Variants in PRKAR1B observed in about 807,000 individuals in gnomAD.
PRKAR1B encodes the protein protein kinase cAMP-dependent type I regulatory subunit beta, also known as cAMP-dependent protein kinase type I-beta regulatory subunit.
Under a neutral mutation model 46.5 loss-of-function variants are expected in PRKAR1B, and 22 were observed. The observed-to-expected ratio is 0.47, with a 90% CI of 0.34 to 0.68. The LOEUF is 0.68. Among genes scored for constraint, PRKAR1B ranks in the 30% least tolerant of loss-of-function variants. The probability of loss-of-function intolerance (pLI) is 0.01; values close to 1 mark genes in which losing one functional copy is unlikely to be tolerated. For missense variants in PRKAR1B, 445 were observed against 535.6 expected, an observed-to-expected ratio of 0.83 and a Z score of 1.67; for synonymous variants, 259 against 217.7, an observed-to-expected ratio of 1.19 and a Z score of -1.67.
chr7:618,706 C>A (rs1437463154), intron 4 of PRKAR1B, among the ~76,000 whole-genome samples: 1 of 152,180 alleles, frequency 6.6e-6, no homozygotes, highest in African/African-American at 2.4e-5. Context: ...TGTGTTTCCT[C>A]TTCTGTAAAC....
At chr7:650,446 C>T (rs1784845783) in intron 4 of PRKAR1B, among the ~76,000 whole-genome samples, 1 of 151,582 alleles carries the variant, frequency 6.6e-6, no homozygotes, top group Admixed American at 6.6e-5. Context: ...CTCCAGCCTT[C>T]ACACCGGCTG....
intron 2 of PRKAR1B, among the ~76,000 whole-genome samples, chr7:703,331 T>C (rs1237121127): frequency 6.6e-6 from 1 of 152,048 alleles, no homozygotes; most frequent in African/African-American, 2.4e-5. Context: ...TGGTAGTAGG[T>C]ATAGCAAGGG....
intron 7 of PRKAR1B, among the ~76,000 whole-genome samples, chr7:585,252 C>T (rs948985523): frequency 7.9e-5 from 12 of 152,178 alleles, no homozygotes; most frequent in African/African-American, 2.7e-4. Flanking sequence ...CAAACAGGAA[C>T]GAGGCCCCTG....
At chr7:629,391 C>T (rs1458861602) in intron 4 of PRKAR1B, among the ~76,000 whole-genome samples, 2 of 136,876 alleles carry the variant, frequency 1.5e-5, no homozygotes, top group Non-Finnish European at 3.2e-5. Flanking sequence ...GGACCACGGC[C>T]TCCGAGGGCG....
intron 4 of PRKAR1B, among the ~76,000 whole-genome samples, chr7:619,224 A>T (rs1782987301): frequency 6.6e-6 from 1 of 152,204 alleles, no homozygotes; most frequent in Non-Finnish European, 1.5e-5. Context: ...CAAGCCAAGG[A>T]GAGGCCAGGC....
intron 9 of PRKAR1B, among the ~76,000 whole-genome samples, chr7:569,117 A>C (rs1001209286): frequency 6.6e-6 from 1 of 151,918 alleles, no homozygotes; most frequent in Non-Finnish European, 1.5e-5. Flanking sequence ...CACTTGTCAA[A>C]GGAACCACAC....
upstream of PRKAR1B, chr7:727,445 G>A (rs1490759151): frequency 1.2e-5 from 4 of 346,794 alleles, no homozygotes; most frequent in African/African-American, 6.3e-5. Flanking sequence ...CCAACATCCC[G>A]GACCCCCCAT....
chr7:613,832 A>T (rs147322304), intron 4 of PRKAR1B, among the ~76,000 whole-genome samples: 3,375 of 152,284 alleles, frequency 0.022, 143 homozygotes, highest in African/African-American at 0.077. Flanking sequence ...TGCACGGGAA[A>T]GCTCACCTGA....
intron 1 of PRKAR1B, among the ~76,000 whole-genome samples, chr7:719,713 G>C (rs180835183): frequency 4.2e-4 from 64 of 152,232 alleles, no homozygotes; most frequent in African/African-American, 1.2e-3. Flanking sequence ...TATTCATGCA[G>C]TTGCCACCAC....
At chr7:576,332 T>C (rs1287594395) in intron 9 of PRKAR1B, among the ~76,000 whole-genome samples, 1 of 152,212 alleles carries the variant, frequency 6.6e-6, no homozygotes, top group Non-Finnish European at 1.5e-5. Flanking sequence ...TCACTTGGGC[T>C]GCCTGTGGTT....
At chr7:728,918 C>A (rs151296302), upstream of PRKAR1B, among the ~76,000 whole-genome samples, 1 of 151,914 alleles carries the variant, frequency 6.6e-6, no homozygotes, top group South Asian at 2.1e-4. Flanking sequence ...CTGGAATAGC[C>A]GTTTCCCAGA....
intron 4 of PRKAR1B, among the ~76,000 whole-genome samples, chr7:617,444 A>G (rs1693328502): frequency 6.6e-6 from 1 of 152,012 alleles, no homozygotes; most frequent in African/African-American, 2.4e-5. Flanking sequence ...AGATGGGACC[A>G]CCAGCCCGAA....
chr7:642,061 C>T (rs1438415402), intron 4 of PRKAR1B, among the ~76,000 whole-genome samples: 1 of 152,074 alleles, frequency 6.6e-6, no homozygotes, highest in African/African-American at 2.4e-5. Context: ...CGCACCACCA[C>T]ACCCAGCTAT....
intron 2 of PRKAR1B, among the ~76,000 whole-genome samples, chr7:709,254 A>C (rs1299265626): frequency 6.6e-6 from 1 of 152,112 alleles, no homozygotes; most frequent in Non-Finnish European, 1.5e-5. Context: ...AAAATACAAA[A>C]TACGAATTGC....
At chr7:678,757 C>T (rs1000918399) in intron 3 of PRKAR1B, among the ~76,000 whole-genome samples, 1 of 152,218 alleles carries the variant, frequency 6.6e-6, no homozygotes, top group Non-Finnish European at 1.5e-5. Context: ...ATGAAATCTC[C>T]TAAAAAGCCA....
At chr7:720,912 G>T (rs141998754) in intron 1 of PRKAR1B, among the ~76,000 whole-genome samples, 1 of 152,276 alleles carries the variant, frequency 6.6e-6, no homozygotes, top group Non-Finnish European at 1.5e-5. Context: ...GCGAACCTCT[G>T]TCTTCTAATT....
rs1328094011 is a variant in PRKAR1B, at chr7:602,292, G to A, written c.549+3901C>T. 4.2e-5 allele frequency among the ~76,000 whole-genome samples: 1 copy of A among 23,778 alleles called. No individual in the cohort carries two copies. The highest frequency in any genetic ancestry group is 9.0e-5 in the Non-Finnish European group (1 of 11,054). 15.6% of individuals were successfully genotyped at this position (23,778 alleles called of 152,430 possible). ...GAGTTACAGACGGCGGCGGGGGGAG[G>A]GGGGGTCTGTCCTGCTGGAAGGACG... On this transcript the variant is annotated intron_variant, in intron 6 of 10. Transcript: ENST00000537384. This position sits in a 1 kb window ranked among gnomAD's most constrained non-coding sequence, Gnocchi z 6.4.
intron 4 of PRKAR1B, among the ~76,000 whole-genome samples, chr7:670,289 C>T (rs1317769613): frequency 6.6e-6 from 1 of 152,334 alleles, no homozygotes; most frequent in East Asian, 1.9e-4. Flanking sequence ...TCCCTAGGCA[C>T]CCAGGGAATG....
intron 9 of PRKAR1B, among the ~76,000 whole-genome samples, chr7:567,547 TCATCAC>T (rs1324299400): frequency 3.9e-5 from 5 of 126,774 alleles, no homozygotes; most frequent in African/African-American, 1.3e-4. Context: ...ATCACCATCA[TCATCAC>T]CATCACCTTC....
Sources: gnomAD v4.1 joint callset for allele counts (sites outside exome capture counted in the v4.1 genomes callset) on GRCh38, gnomAD v4.1.1 for gene constraint, Gnocchi (gnomAD v3.1) non-coding constraint, MANE v1.5 for transcripts, NCBI Gene and HGNC (gene_info 2026-07-23, HGNC 2026-07-21) for gene names.